The following ST7 variants were observed in gnomAD, a reference collection of about 807,000 sequenced individuals.
ST7 encodes the protein suppressor of tumorigenicity 7 protein.
In ST7, 28 loss-of-function variants were observed where a neutral mutation model predicts 78.7. The observed-to-expected ratio is 0.36, with a 90% confidence interval of 0.26 to 0.49. The LOEUF (loss-of-function observed/expected upper bound fraction) is 0.49. Ranked by LOEUF, ST7 falls within the 20% of genes least tolerant of loss-of-function variation. The pLI is 0.99. For synonymous variants in ST7, 247 were observed against 249.6 expected (o/e 0.99, Z 0.10); for missense variants, 418 against 696.0 (o/e 0.60, Z 4.49).
At chr7:117,045,908 A>C (rs1797469306) in intron 1 of ST7, among the ~76,000 whole-genome samples, 1 of 152,342 alleles carries the variant, frequency 6.6e-6, no homozygotes, top group South Asian at 2.1e-4. Flanking sequence ...TTAAAGGGAA[A>C]TCAAGTTCTA....
chr7:117,040,630 T>C (rs1168876724), intron 1 of ST7, among the ~76,000 whole-genome samples: 1 of 152,218 alleles, frequency 6.6e-6, no homozygotes, highest in African/African-American at 2.4e-5. Context: ...GTAAAGCTTT[T>C]TAAGGATTCA....
At chr7:117,201,390 T>C (rs1350621491) in intron 12 of ST7, among the ~76,000 whole-genome samples, 1 of 152,078 alleles carries the variant, frequency 6.6e-6, no homozygotes, top group Non-Finnish European at 1.5e-5. Context: ...ACTACTCCCA[T>C]ACAGGCCACC....
intron 1 of ST7, among the ~76,000 whole-genome samples, chr7:117,029,324 T>A (rs1796357039): frequency 6.6e-6 from 1 of 152,166 alleles, no homozygotes; most frequent in African/African-American, 2.4e-5. Flanking sequence ...TGATTTTAAT[T>A]TGCATGTCTT....
At chr7:117,223,892 A>G (rs1793279265) in intron 15 of ST7, 2 of 938,730 alleles carry the variant, frequency 2.1e-6, no homozygotes, top group African/African-American at 1.8e-5. Flanking sequence ...TCAATAAATG[A>G]TTATTAAATA....
chr7:117,092,473 G>A (rs1410699224), intron 1 of ST7, among the ~76,000 whole-genome samples: 1 of 152,084 alleles, frequency 6.6e-6, no homozygotes, highest in African/African-American at 2.4e-5. Flanking sequence ...TAGCAGGAGT[G>A]TAAACTAAGC....
intron 1 of ST7, among the ~76,000 whole-genome samples, chr7:117,080,003 C>T (rs1211599247): frequency 8.4e-5 from 7 of 83,534 alleles, no homozygotes; most frequent in East Asian, 4.0e-4. Flanking sequence ...TTTTTTGAGA[C>T]GGAGTCTCGC....
intron 1 of ST7, among the ~76,000 whole-genome samples, chr7:117,024,046 G>A (rs1796067115): frequency 6.6e-6 from 1 of 152,126 alleles, no homozygotes; most frequent in South Asian, 2.1e-4. Context: ...ACCCTTGACT[G>A]CAGGTGATCC....
chr7:117,179,100 C>T (rs1808552808), intron 10 of ST7, among the ~76,000 whole-genome samples: 1 of 152,198 alleles, frequency 6.6e-6, no homozygotes, highest in Admixed American at 6.5e-5. Flanking sequence ...AGCACCAACA[C>T]AATTTCAAAC....
chr7:117,134,896 C>CT (rs1252345890), intron 7 of ST7, among the ~76,000 whole-genome samples: 1 of 152,060 alleles, frequency 6.6e-6, no homozygotes, highest in African/African-American at 2.4e-5. Flanking sequence ...GAGAGACTGG[C>CT]TAAAGACCTT....
intron 13 of ST7, among the ~76,000 whole-genome samples, chr7:117,215,946 C>G (rs576418236): frequency 5.3e-5 from 8 of 151,842 alleles, no homozygotes; most frequent in African/African-American, 1.9e-4. Flanking sequence ...CTAAGATACT[C>G]TAAGATTGAT....
chr7:117,173,560 C>T (rs992826846), intron 10 of ST7: 3 of 152,166 alleles, frequency 2.0e-5, no homozygotes, highest in African/African-American at 2.4e-5. Flanking sequence ...TGGCCCTGGG[C>T]GAGGAAGTGG....
At chr7:116,960,267 G>A (rs1792756446) in intron 1 of ST7, among the ~76,000 whole-genome samples, 2 of 151,888 alleles carry the variant, frequency 1.3e-5, no homozygotes, top group Admixed American at 1.3e-4. Flanking sequence ...TCAGCTGACT[G>A]CAACCTCTGC....
chr7:117,020,691 G>A, intron 1 of ST7: 1 of 1,545,452 alleles, frequency 6.5e-7, no homozygotes, highest in Non-Finnish European at 8.7e-7. Context: ...TGGTTTCATT[G>A]GCTTAGAGTT....
chr7:117,154,566 G>A (rs1475709591), intron 9 of ST7, among the ~76,000 whole-genome samples: 1 of 152,108 alleles, frequency 6.6e-6, no homozygotes, highest in Non-Finnish European at 1.5e-5. Context: ...TAGAAGACAG[G>A]GTCATCTGCT....
intron 12 of ST7, chr7:117,198,278 A>G (rs770078958): frequency 8.8e-5 from 40 of 454,894 alleles, no homozygotes; most frequent in African/African-American, 8.0e-4. Flanking sequence ...CCCCTTCGTT[A>G]TCTCTTCCTT....
intron 10 of ST7, among the ~76,000 whole-genome samples, chr7:117,177,724 A>T (rs1046807057): frequency 6.6e-6 from 1 of 152,190 alleles, no homozygotes; most frequent in Non-Finnish European, 1.5e-5. Context: ...CTTGTATATC[A>T]ATCCCTTTTA....
intron 1 of ST7, among the ~76,000 whole-genome samples, chr7:116,998,458 G>A (rs918209911): frequency 3.3e-5 from 5 of 152,216 alleles, no homozygotes; most frequent in African/African-American, 1.2e-4. Flanking sequence ...GTGCAGCGGC[G>A]GGCTGAAGGG....
intron 1 of ST7, among the ~76,000 whole-genome samples, chr7:117,066,975 A>C (rs961017071): frequency 6.6e-6 from 1 of 152,164 alleles, no homozygotes; most frequent in African/African-American, 2.4e-5. Flanking sequence ...TAGTCTAGAA[A>C]TTTTATATAA....
intron 1 of ST7, among the ~76,000 whole-genome samples, chr7:117,044,033 G>T (rs1797364716): frequency 6.6e-6 from 1 of 152,184 alleles, no homozygotes; most frequent in Non-Finnish European, 1.5e-5. Flanking sequence ...GAACCACTCT[G>T]CCTCTTGTCA....
Sources: gnomAD v4.1 joint callset for allele counts (sites outside exome capture counted in the v4.1 genomes callset) on GRCh38, gnomAD v4.1.1 for gene constraint, MANE v1.5 for transcripts, NCBI Gene and HGNC (gene_info 2026-07-23, HGNC 2026-07-21) for gene names.